The following SESN3 variants were observed in gnomAD, a reference collection of about 807,000 sequenced individuals.
SESN3 encodes the protein sestrin-3.
In SESN3, 21 loss-of-function variants were observed where a neutral mutation model predicts 55.3. That is an observed-to-expected ratio of 0.38 (90% CI 0.27 to 0.55). The LOEUF is 0.55. Among genes scored for constraint, SESN3 ranks in the 20% least tolerant of loss-of-function variants. SESN3 has a pLI of 0.76. For missense variants in SESN3, 408 were observed against 604.3 expected (o/e 0.68, Z 3.41); for synonymous variants, 181 against 203.1 (o/e 0.89, Z 0.93).
rs143704862 is a variant in SESN3, at chr11:95,209,277, A to C, written c.79-15755T>G. 6.7e-4 allele frequency among the ~76,000 whole-genome samples: 101 copies of C among 151,714 alleles called. 1 individual carries two copies. In the East Asian group the frequency reaches 0.019, roughly 28 times the overall value. ...CAAAGGATATGAACAGACACTTCTC[A>C]AAAGAAGACATTTATGTGGTCAACA... On this transcript the variant is annotated intron_variant, in intron 1 of 9. Coordinates refer to ENST00000536441, the MANE Select transcript of SESN3 (RefSeq NM_144665.4).
intron 1 of SESN3, among the ~76,000 whole-genome samples, chr11:95,209,714 C>T (rs1860614655): frequency 1.3e-5 from 2 of 151,104 alleles, no homozygotes; most frequent in Admixed American, 1.3e-4. Context: ...GAATACTATG[C>T]AGCCATAAAA....
intron 1 of SESN3, among the ~76,000 whole-genome samples, chr11:95,196,714 G>A (rs1457572834): frequency 1.3e-5 from 2 of 152,218 alleles, no homozygotes; most frequent in Middle Eastern, 3.4e-3. Context: ...TCAGATGCTC[G>A]GCAGCCACAT....
intron 1 of SESN3, among the ~76,000 whole-genome samples, chr11:95,219,870 G>A (rs1440925948): frequency 2.0e-5 from 3 of 152,002 alleles, no homozygotes; most frequent in Admixed American, 6.6e-5. Flanking sequence ...CTCTGGAAAC[G>A]TTATACCCAG....
Position 95,191,740 on chromosome 11 carries a change from T to G in SESN3, c.145-139A>C, listed in dbSNP as rs1591056753. 12 of 640,370 alleles carry G rather than the reference T, an allele frequency of 1.9e-5. 1 individual carries two copies. In the East Asian group the frequency reaches 3.3e-4, roughly 18 times the overall value. The allele number at this position is 640,370 out of a possible 1,614,324, so 39.7% of individuals were successfully genotyped here. Reference sequence around the variant, plus strand: ...ACTGAAATTATGCAGTTGCTCATACTGGAAACAGAAATAAAAAAAGAAAGC... The same window carrying G: ...ACTGAAATTATGCAGTTGCTCATACGGGAAACAGAAATAAAAAAAGAAAGC... On this transcript the variant is annotated intron_variant, in intron 2 of 9. Transcript: ENST00000536441.
chr11:95,223,522 A>G (rs1419979608), intron 1 of SESN3, among the ~76,000 whole-genome samples: 2 of 152,152 alleles, frequency 1.3e-5, no homozygotes, highest in Non-Finnish European at 2.9e-5. Context: ...CCTGGTTTAT[A>G]TCAGAAAAAA....
Position 95,165,889 on chromosome 11 carries a change from A to T in SESN3, c.*7366T>A, listed in dbSNP as rs1859737653. On this transcript the variant is annotated 3_prime_UTR_variant, in exon 10 of 10. Coordinates refer to ENST00000536441, the MANE Select transcript of SESN3 (RefSeq NM_144665.4). ...TTAGTCAGAACTGTAAAATCAGCAA[A>T]CATAAGAAAAACAAAACCTAGTAAT... The T allele has an allele frequency of 1.3e-5, 2 of 152,190 alleles. No homozygotes were observed. The highest frequency in any genetic ancestry group is 1.3e-4 in the Admixed American group (2 of 15,276). 9.4% of individuals were successfully genotyped at this position (152,190 alleles called of 1,614,324 possible).
intron 1 of SESN3, among the ~76,000 whole-genome samples, chr11:95,195,708 A>G (rs1032792460): frequency 2.0e-5 from 3 of 152,170 alleles, no homozygotes; most frequent in Non-Finnish European, 4.4e-5. Flanking sequence ...GACTTGGGAC[A>G]TATTTTGTTG....
chr11:95,197,200 G>C (rs989679455), intron 1 of SESN3, among the ~76,000 whole-genome samples: 8 of 152,146 alleles, frequency 5.3e-5, no homozygotes, highest in Admixed American at 5.2e-4. Context: ...ATGTTGTACA[G>C]AGGAGGTCTA....
Position 95,191,610 on chromosome 11 carries a change from C to CAA in SESN3, c.145-11_145-10dup, listed in dbSNP as rs150790532. The CAA allele has an allele frequency of 2.8e-5, 44 of 1,599,964 alleles. No homozygotes were observed. In the East Asian group the frequency reaches 4.7e-4, roughly 17 times the overall value. On this transcript the variant is annotated splice_polypyrimidine_tract_variant and intron_variant, in intron 2 of 9. Coordinates refer to ENST00000536441, the MANE Select transcript of SESN3 (RefSeq NM_144665.4). The stretch of plus-strand genomic sequence containing the variant: ...GTGTTTGCTTGGACAACCTTATAAC[C>CAA]AAAAAAAACAAAACAAAATGACTAT...
chr11:95,214,192 G>A (rs1860710122), intron 1 of SESN3, among the ~76,000 whole-genome samples: 1 of 152,150 alleles, frequency 6.6e-6, no homozygotes, highest in African/African-American at 2.4e-5. Context: ...CACCTACCAT[G>A]GTTTAGAATT....
intron 1 of SESN3, among the ~76,000 whole-genome samples, chr11:95,215,058 G>A (rs1219506885): frequency 6.6e-6 from 1 of 152,140 alleles, no homozygotes; most frequent in Non-Finnish European, 1.5e-5. Flanking sequence ...CACTGGCGCT[G>A]CCAATATCAT....
At chr11:95,199,126 G>C (rs892290700) in intron 1 of SESN3, among the ~76,000 whole-genome samples, 6 of 151,932 alleles carry the variant, frequency 3.9e-5, no homozygotes, top group African/African-American at 1.4e-4. Context: ...TTTAAAAAAA[G>C]GAATGTAAAA....
At chr11:95,225,208 G>A (rs766171792) in intron 1 of SESN3, among the ~76,000 whole-genome samples, 31 of 152,156 alleles carry the variant, frequency 2.0e-4, no homozygotes, top group Non-Finnish European at 3.8e-4. Flanking sequence ...TCTCAGTGAA[G>A]AAGGCAAATA....
In SESN3 at chr11:95,173,187, A is replaced by G; in HGVS notation, c.*68T>C. On this transcript the variant is annotated 3_prime_UTR_variant, in exon 10 of 10. Transcript: ENST00000536441. ...GAATAATTTTTGATGCTATATCACAAATAGCTTCAATGTTTATCTTATGTG... is the reference window on the plus strand; with the variant it reads ...GAATAATTTTTGATGCTATATCACAGATAGCTTCAATGTTTATCTTATGTG... 3 of 902,152 alleles carry G rather than the reference A, an allele frequency of 3.3e-6. No homozygotes were observed. The highest frequency in any genetic ancestry group is 2.4e-4 in the Middle Eastern group (1 of 4,120). The allele number at this position is 902,152 out of a possible 1,614,324, so 55.9% of individuals were successfully genotyped here.
intron 6 of SESN3, 62 bp downstream of exon 6, chr11:95,184,358 A>G: frequency 7.3e-7 from 1 of 1,370,648 alleles, no homozygotes; most frequent in Non-Finnish European, 1.0e-6. Context: ...CATGGAAAAC[A>G]CTGAAGTTGC....
At chr11:95,187,930 C>A (rs1441536863) in intron 4 of SESN3, among the ~76,000 whole-genome samples, 1 of 151,476 alleles carries the variant, frequency 6.6e-6, no homozygotes, top group Admixed American at 6.6e-5. Flanking sequence ...TCTCCATCCT[C>A]ACATCCTGCC....
chr11:95,185,745 AT>A lies in SESN3; in HGVS notation c.526-254del, dbSNP rs200110284. Reference sequence around the variant, plus strand: ...ACAATAAATCTTCTGCTTCCAAATCATTTTTTATATAGTATGCTATTTTAAT... The same window carrying A: ...ACAATAAATCTTCTGCTTCCAAATCATTTTTATATAGTATGCTATTTTAAT... On this transcript the variant is annotated intron_variant, in intron 4 of 9. Coordinates refer to ENST00000536441, the MANE Select transcript of SESN3 (RefSeq NM_144665.4). Among the ~76,000 whole-genome samples, 800 of 152,088 alleles carry A rather than the reference AT, an allele frequency of 5.3e-3. 6 individuals carry two copies. Among genetic ancestry groups the A allele is most frequent in the African/African-American group, 0.017 (722 of 41,492 alleles).
At position 95,172,377 on chromosome 11, in the gene SESN3, T is replaced by C. The variant is rs1859867770; in HGVS notation, c.*878A>G. ...TGCAAAGAAAATTTTTGGTCAGTCTTGTGTGGGTACAGGTTTATATGTGCC... is the reference window on the plus strand; with the variant it reads ...TGCAAAGAAAATTTTTGGTCAGTCTCGTGTGGGTACAGGTTTATATGTGCC... On this transcript the variant is annotated 3_prime_UTR_variant, in exon 10 of 10. Transcript: ENST00000536441. 1 of 152,182 alleles carries C rather than the reference T, an allele frequency of 6.6e-6. No individual in the cohort carries two copies. The highest frequency in any genetic ancestry group is 1.5e-5 in the Non-Finnish European group (1 of 68,006). The allele number at this position is 152,182 out of a possible 1,614,324, so 9.4% of individuals were successfully genotyped here.
chr11:95,183,336 T>C (rs186727605), intron 6 of SESN3, among the ~76,000 whole-genome samples: 3 of 152,246 alleles, frequency 2.0e-5, no homozygotes, highest in Admixed American at 2.0e-4. Context: ...ATTTGGTAGA[T>C]AAAATTTTTC....
Sources: allele counts gnomAD v4.1 joint callset (sites outside exome capture counted in the v4.1 genomes callset), GRCh38; gene constraint gnomAD v4.1.1; transcripts MANE v1.5; gene names NCBI Gene and HGNC (gene_info 2026-07-23, HGNC 2026-07-21).